ASAP2: variants seen among roughly 807,000 people sequenced by gnomAD.
ASAP2 encodes ArfGAP with SH3 domain, ankyrin repeat and PH domain 2, also known as arf-GAP with SH3 domain, ANK repeat and PH domain-containing protein 2.
Under a neutral mutation model 131.4 loss-of-function variants are expected in ASAP2, and 45 were observed. The ratio of observed to expected loss-of-function variants is 0.34; its 90% confidence interval spans 0.27 to 0.44. ASAP2 has a LOEUF of 0.44. ASAP2 is among the 20% of genes least tolerant of loss of function. The probability of loss-of-function intolerance (pLI) is 1.00; values close to 1 mark genes in which losing one functional copy is unlikely to be tolerated. For missense variants in ASAP2, 1,011 were observed against 1,297.0 expected (o/e 0.78, Z 3.39); for synonymous variants, 510 against 503.0 (o/e 1.01, Z -0.19).
At chr2:9,231,897 C>T (rs1435999208) in intron 1 of ASAP2, among the ~76,000 whole-genome samples, 1 of 152,128 alleles carries the variant, frequency 6.6e-6, no homozygotes, top group East Asian at 1.9e-4. Flanking sequence ...CCAGCGGACA[C>T]TTTGGGAAGT....
intron 1 of ASAP2, among the ~76,000 whole-genome samples, chr2:9,256,504 G>C (rs1012523428): frequency 6.6e-6 from 1 of 152,206 alleles, no homozygotes; most frequent in African/African-American, 2.4e-5. Context: ...ACTGCAAGGA[G>C]ATATTAGATG....
chr2:9,306,366 G>C (rs1349643641), intron 3 of ASAP2, among the ~76,000 whole-genome samples: 1 of 151,796 alleles, frequency 6.6e-6, no homozygotes, highest in Non-Finnish European at 1.5e-5. Context: ...AAGAGCAGCC[G>C]TGTCGGCTTG....
At chr2:9,378,625 T>C (rs1674585099) in intron 18 of ASAP2, among the ~76,000 whole-genome samples, 1 of 152,252 alleles carries the variant, frequency 6.6e-6, no homozygotes, top group Non-Finnish European at 1.5e-5. Context: ...AGAAGGACGC[T>C]GGGCTCTAGG....
At chr2:9,320,136 T>C (rs1487011235) in intron 4 of ASAP2, 152 bp from the exon 5 acceptor site, 4 of 635,352 alleles carry the variant, frequency 6.3e-6, no homozygotes, top group Non-Finnish European at 1.1e-5. Flanking sequence ...CTTAAAAGCA[T>C]GTACTCTTGG....
chr2:9,302,497 CAG>C (rs901891444), intron 3 of ASAP2, among the ~76,000 whole-genome samples: 1 of 151,522 alleles, frequency 6.6e-6, no homozygotes, highest in Non-Finnish European at 1.5e-5. Flanking sequence ...TTGTTTGAAA[CAG>C]AGTCTCACTG....
intron 7 of ASAP2, among the ~76,000 whole-genome samples, chr2:9,328,463 C>T (rs535344717): frequency 2.2e-4 from 34 of 152,180 alleles, no homozygotes; most frequent in African/African-American, 4.6e-4. Flanking sequence ...TGACCTATTC[C>T]GCAACTCTCA....
chr2:9,237,496 C>G (rs979208036), intron 1 of ASAP2, among the ~76,000 whole-genome samples: 2 of 150,940 alleles, frequency 1.3e-5, no homozygotes, highest in Admixed American at 1.3e-4. Context: ...GCTGCAGCCT[C>G]GACCTCCTAG....
At chr2:9,211,574 G>A (rs1450859487) in intron 1 of ASAP2, among the ~76,000 whole-genome samples, 1 of 152,138 alleles carries the variant, frequency 6.6e-6, no homozygotes, top group Non-Finnish European at 1.5e-5. Flanking sequence ...TGACTTGTAA[G>A]TATTAAAATT....
rs752305457 is a variant in ASAP2, at chr2:9,281,985, G to A, written c.199+2596G>A. On this transcript the variant is annotated intron_variant, in intron 2 of 27. Transcript: ENST00000281419. The surrounding 1 kb of genome is among the most constrained non-coding windows in gnomAD (Gnocchi z 4.0). ...CTTGCAGTTTTCCCCAGAGAGCCAC[G>A]TTTTATGCCTTCTTCCCTCTGCTCA... is the stretch of plus-strand genomic sequence containing the variant. 6.6e-6 allele frequency among the ~76,000 whole-genome samples: 1 copy of A among 152,168 alleles called. No homozygotes were observed. Among genetic ancestry groups the A allele is most frequent in the Non-Finnish European group, 1.5e-5 (1 of 68,028 alleles).
At chr2:9,271,939 T>A (rs1666431115) in intron 1 of ASAP2, among the ~76,000 whole-genome samples, 1 of 152,162 alleles carries the variant, frequency 6.6e-6, no homozygotes, top group Non-Finnish European at 1.5e-5. Context: ...GGTACCACAT[T>A]TTCTTTATTC....
At chr2:9,293,901 G>T (rs954737853) in intron 2 of ASAP2, among the ~76,000 whole-genome samples, 1 of 152,110 alleles carries the variant, frequency 6.6e-6, no homozygotes, top group Non-Finnish European at 1.5e-5. Flanking sequence ...GTAAATCCAT[G>T]AGATGATGAT....
At chr2:9,279,933 A>G (rs1165436557) in intron 2 of ASAP2, among the ~76,000 whole-genome samples, 1 of 151,792 alleles carries the variant, frequency 6.6e-6, no homozygotes, top group Non-Finnish European at 1.5e-5. Flanking sequence ...AAAGATGACA[A>G]GTAGGTCACC....
intron 2 of ASAP2, among the ~76,000 whole-genome samples, chr2:9,282,336 A>G (rs74548936): frequency 0.012 from 1,805 of 152,332 alleles, 31 homozygotes; most frequent in African/African-American, 0.041. Context: ...ATTTCGGAAC[A>G]AGCGTTGTCT....
At chr2:9,252,928 A>AG (rs1664826851) in intron 1 of ASAP2, among the ~76,000 whole-genome samples, 1 of 151,726 alleles carries the variant, frequency 6.6e-6, no homozygotes, top group African/African-American at 2.4e-5. Context: ...AAAAAAAAAA[A>AG]AAAGAATTTA....
intron 1 of ASAP2, among the ~76,000 whole-genome samples, chr2:9,252,652 A>C (rs891149358): frequency 1.1e-4 from 17 of 151,142 alleles, no homozygotes; most frequent in African/African-American, 4.1e-4. Flanking sequence ...GCAGTGGCTC[A>C]CGCCTGTAAT....
At chr2:9,322,813 G>A (rs1243946829) in intron 5 of ASAP2, among the ~76,000 whole-genome samples, 3 of 152,160 alleles carry the variant, frequency 2.0e-5, no homozygotes, top group Non-Finnish European at 4.4e-5. Context: ...GGTTACTAGA[G>A]GGCAGGAAGG....
chr2:9,345,870 G>A (rs2148611051), intron 11 of ASAP2, among the ~76,000 whole-genome samples: 1 of 152,202 alleles, frequency 6.6e-6, no homozygotes. Context: ...CCCAGCCGAA[G>A]CATGTCACAG....
At chr2:9,225,003 A>C (rs1013402368) in intron 1 of ASAP2, among the ~76,000 whole-genome samples, 3 of 152,204 alleles carry the variant, frequency 2.0e-5, no homozygotes, top group African/African-American at 7.2e-5. Context: ...GTAAGTTGGA[A>C]CATTGCAGAT....
chr2:9,316,281 C>A (rs914290856), intron 3 of ASAP2, among the ~76,000 whole-genome samples: 2 of 151,286 alleles, frequency 1.3e-5, no homozygotes, highest in Admixed American at 1.3e-4. Context: ...CCAACCTGGG[C>A]GACACAGTGA....
Sources: gnomAD v4.1 joint callset for allele counts (sites outside exome capture counted in the v4.1 genomes callset) on GRCh38, gnomAD v4.1.1 for gene constraint, Gnocchi (gnomAD v3.1) non-coding constraint, MANE v1.5 for transcripts, NCBI Gene and HGNC (gene_info 2026-07-23, HGNC 2026-07-21) for gene names.